ANXA8: variants seen among roughly 807,000 people sequenced by gnomAD.
The protein encoded by ANXA8 is annexin A8.
A neutral mutation model predicts 26.8 loss-of-function variants in ANXA8; 9 were observed. The observed-to-expected ratio is 0.34, with a 90% CI of 0.20 to 0.59. The LOEUF (loss-of-function observed/expected upper bound fraction) is 0.59, where lower values mean the gene tolerates loss of function less well. Ranked by LOEUF, ANXA8 falls within the 20% of genes least tolerant of loss-of-function variation. The probability of loss-of-function intolerance (pLI) is 0.84; values close to 1 mark genes in which losing one functional copy is unlikely to be tolerated. For synonymous variants in ANXA8, 39 were observed against 94.8 expected (o/e 0.41, Z 3.42); for missense variants, 83 against 238.5 (o/e 0.35, Z 4.29).
At chr10:47,519,493 G>T in the ANXA8 span, among the ~76,000 whole-genome samples, 2 of 122,962 alleles carry the variant, frequency 1.6e-5, no homozygotes, top group Non-Finnish European at 3.4e-5. Context: ...AAAGAGTGTG[G>T]TACCTTCCCC....
the ANXA8 span, among the ~76,000 whole-genome samples, chr10:47,676,683 T>C: frequency 6.6e-6 from 1 of 151,564 alleles, no homozygotes; most frequent in Non-Finnish European, 1.5e-5. Context: ...CTCAGAACTT[T>C]GGGAGGTGGG....
the ANXA8 span, among the ~76,000 whole-genome samples, chr10:47,952,309 C>T: frequency 1.3e-5 from 2 of 151,404 alleles, no homozygotes; most frequent in South Asian, 2.1e-4. Context: ...ACATAAGATT[C>T]GAAAGGAGGA....
At chr10:47,632,202 G>T in the ANXA8 span, among the ~76,000 whole-genome samples, 1 of 150,716 alleles carries the variant, frequency 6.6e-6, no homozygotes, top group African/African-American at 2.5e-5. Flanking sequence ...GTCTTTCTCA[G>T]GTTATTATAT....
chr10:47,660,465 A>G, the ANXA8 span, among the ~76,000 whole-genome samples: 2 of 150,542 alleles, frequency 1.3e-5, 1 homozygote, highest in African/African-American at 4.9e-5. Flanking sequence ...CAGTGGTGTG[A>G]TCTCGGCTCA....
chr10:47,469,357 C>T (rs1330824655), intron 11 of ANXA8, among the ~76,000 whole-genome samples: 2 of 151,956 alleles, frequency 1.3e-5, no homozygotes, highest in Non-Finnish European at 2.9e-5. Context: ...TGGACCATCG[C>T]ACCCTGACGG....
chr10:47,513,019 G>C, the ANXA8 span, among the ~76,000 whole-genome samples: 1 of 128,512 alleles, frequency 7.8e-6, no homozygotes, highest in Admixed American at 7.8e-5. Context: ...AAACCCATTT[G>C]ATCATGGTGG....
the ANXA8 span, among the ~76,000 whole-genome samples, chr10:47,632,421 TAAG>T: frequency 6.7e-6 from 1 of 149,148 alleles, no homozygotes; most frequent in Non-Finnish European, 1.5e-5. Context: ...GTTATAACAC[TAAG>T]AACCTAGATC....
chr10:47,944,778 C>T, the ANXA8 span, among the ~76,000 whole-genome samples: 4 of 150,158 alleles, frequency 2.7e-5, no homozygotes, highest in Non-Finnish European at 2.9e-5. Flanking sequence ...TCGATTAAAC[C>T]TTTTTCTTTT....
chr10:47,762,133 G>C, the ANXA8 span, among the ~76,000 whole-genome samples: 1 of 144,940 alleles, frequency 6.9e-6, no homozygotes, highest in Non-Finnish European at 1.5e-5. Context: ...TGCAAGGCTG[G>C]ACTCTTCTCT....
At chr10:47,940,689 C>T in the ANXA8 span, among the ~76,000 whole-genome samples, 15 of 147,202 alleles carry the variant, frequency 1.0e-4, 1 homozygote, top group East Asian at 4.3e-4. Flanking sequence ...ATTAGCCAGG[C>T]GTGGTGGTGG....
At chr10:47,747,355 G>A in the ANXA8 span, among the ~76,000 whole-genome samples, 1 of 149,356 alleles carries the variant, frequency 6.7e-6, no homozygotes, top group South Asian at 2.1e-4. Context: ...TATGCAGAAA[G>A]GCTATGAAAA....
At chr10:47,469,630 G>A (rs1464284730) in intron 11 of ANXA8, among the ~76,000 whole-genome samples, 1 of 151,712 alleles carries the variant, frequency 6.6e-6, no homozygotes, top group Non-Finnish European at 1.5e-5. Flanking sequence ...TGCATACAGA[G>A]CTGGGAAATG....
the ANXA8 span, among the ~76,000 whole-genome samples, chr10:47,733,221 CTCTTTCTTTCTCTCTT>C: frequency 4.3e-3 from 249 of 58,174 alleles, 9 homozygotes; most frequent in Admixed American, 0.012. Context: ...TTCTTTCTTT[CTCTTTCTTTCTCTCTT>C]TCTTTCTTTC....
the ANXA8 span, among the ~76,000 whole-genome samples, chr10:47,948,179 T>C: frequency 7.2e-6 from 1 of 139,760 alleles, no homozygotes; most frequent in Non-Finnish European, 1.5e-5. Flanking sequence ...TACCAATCTT[T>C]AGAGGAGGAC....
chr10:47,776,655 C>T, the ANXA8 span, among the ~76,000 whole-genome samples: 18 of 151,964 alleles, frequency 1.2e-4, 1 homozygote, highest in Non-Finnish European at 2.4e-4. Flanking sequence ...TGAACAATCT[C>T]TGGCCAGGAA....
At chr10:47,566,582 CCCCGCTG>C in the ANXA8 span, among the ~76,000 whole-genome samples, 1 of 146,780 alleles carries the variant, frequency 6.8e-6, no homozygotes, top group Admixed American at 6.8e-5. Context: ...AGGGAGGGCA[CCCCGCTG>C]CCCGTTGCCC....
chr10:47,915,057 C>T, the ANXA8 span, among the ~76,000 whole-genome samples: 2 of 152,136 alleles, frequency 1.3e-5, no homozygotes, highest in South Asian at 2.1e-4. Context: ...TATAGCCTTC[C>T]ATGAAAAAAG....
the ANXA8 span, among the ~76,000 whole-genome samples, chr10:47,743,357 CAT>C: frequency 2.6e-3 from 108 of 41,620 alleles, 5 homozygotes; most frequent in South Asian, 4.5e-3. Context: ...TATATATACA[CAT>C]ATATATATAT....
the ANXA8 span, among the ~76,000 whole-genome samples, chr10:47,500,183 G>A: frequency 1.4e-5 from 2 of 141,708 alleles, no homozygotes; most frequent in Non-Finnish European, 3.1e-5. Flanking sequence ...TAGGACTAAA[G>A]GCATGAAACC....
Sources: allele counts gnomAD v4.1 joint callset (sites outside exome capture counted in the v4.1 genomes callset), GRCh38; gene constraint gnomAD v4.1.1; transcripts MANE v1.5; gene names NCBI Gene and HGNC (gene_info 2026-07-23, HGNC 2026-07-21).